Variants in DCAF6 observed in about 807,000 individuals in gnomAD.
DCAF6 encodes DDB1 and CUL4 associated factor 6.
Under a neutral mutation model 125.1 loss-of-function variants are expected in DCAF6, and 54 were observed. The ratio of observed to expected loss-of-function variants is 0.43; its 90% CI spans 0.35 to 0.54. The LOEUF (loss-of-function observed/expected upper bound fraction) is 0.54, where lower values mean the gene tolerates loss of function less well. DCAF6 is among the 20% of genes least tolerant of loss of function. The probability of loss-of-function intolerance (pLI) is 0.01; values close to 1 mark genes in which losing one functional copy is unlikely to be tolerated. For missense variants in DCAF6, 934 were observed against 1,161.7 expected, an observed-to-expected ratio of 0.80 and a Z score of 2.85; for synonymous variants, 371 against 390.4, an observed-to-expected ratio of 0.95 and a Z score of 0.58.
At chr1:167,937,156 T>G in intron 1 of DCAF6, 148 bp downstream of exon 1, 1 of 658,094 alleles carries the variant, frequency 1.5e-6, no homozygotes, top group East Asian at 2.9e-5. Context: ...GGTTGCCGAA[T>G]TCCGTGCCGG....
chr1:167,998,331 C>A (rs1392143906), intron 7 of DCAF6, among the ~76,000 whole-genome samples: 1 of 152,098 alleles, frequency 6.6e-6, no homozygotes, highest in Non-Finnish European at 1.5e-5. Flanking sequence ...AAGTTGTATT[C>A]TTTTTGCTGG....
Position 168,063,374 on chromosome 1 carries a change from A to G in DCAF6, c.2301-247A>G, listed in dbSNP as rs74781565. The stretch of plus-strand genomic sequence containing the variant: ...TTTAAAAACCAGTTTGCCGCATGCT[A>G]TTGCCTTTACTTTTCATCCAGTACC... On this transcript the variant is annotated intron_variant, in intron 17 of 21. Transcript: ENST00000367840. Among the ~76,000 whole-genome samples the G allele has an allele frequency of 5.5e-3, 838 of 152,208 alleles. 4 individuals carry two copies. The highest frequency in any genetic ancestry group is 9.8e-3 in the Non-Finnish European group (668 of 67,992).
At chr1:168,025,748 C>G (rs1350531850) in intron 12 of DCAF6, among the ~76,000 whole-genome samples, 2 of 152,144 alleles carry the variant, frequency 1.3e-5, no homozygotes, top group African/African-American at 4.8e-5. Context: ...AGGCTATAGT[C>G]TATTCTCTAC....
intron 4 of DCAF6, among the ~76,000 whole-genome samples, chr1:167,979,668 C>G (rs975854370): frequency 2.6e-5 from 4 of 152,092 alleles, no homozygotes; most frequent in Admixed American, 6.6e-5. Flanking sequence ...GGGCAGATCA[C>G]TTGAGGTTAG....
the DCAF6 span, among the ~76,000 whole-genome samples, chr1:167,918,594 C>CT: frequency 0.013 from 1,763 of 133,204 alleles, 49 homozygotes; most frequent in African/African-American, 0.043. Context: ...CTGCCAAAAA[C>CT]TTTTTTTTTT....
the DCAF6 span, chr1:167,920,461 A>C: frequency 7.3e-7 from 1 of 1,364,490 alleles, no homozygotes; most frequent in Middle Eastern, 1.8e-4. Context: ...TATTTCAAAC[A>C]CTAAGCCACT....
chr1:167,986,930 G>T (rs1397211349), intron 4 of DCAF6, among the ~76,000 whole-genome samples: 1 of 152,110 alleles, frequency 6.6e-6, no homozygotes, highest in East Asian at 1.9e-4. Flanking sequence ...GGTTTTTATG[G>T]TAGTAAAATA....
intron 13 of DCAF6, among the ~76,000 whole-genome samples, chr1:168,041,997 A>G (rs940868701): frequency 4.0e-5 from 6 of 151,748 alleles, no homozygotes; most frequent in Admixed American, 3.3e-4. Context: ...ACTGATGCAT[A>G]GCCTTCCTGA....
intron 4 of DCAF6, among the ~76,000 whole-genome samples, chr1:167,976,100 T>G (rs1368954405): frequency 1.3e-5 from 2 of 152,194 alleles, no homozygotes; most frequent in Non-Finnish European, 2.9e-5. Context: ...ATATTTGGAT[T>G]TGTTTCTATC....
intron 13 of DCAF6, among the ~76,000 whole-genome samples, chr1:168,039,258 G>A (rs902287898): frequency 6.6e-6 from 1 of 151,772 alleles, no homozygotes; most frequent in Non-Finnish European, 1.5e-5. Flanking sequence ...AGAAGTATAC[G>A]ATTTACTGTC....
At chr1:168,036,110 G>T (rs980672453) in intron 12 of DCAF6, among the ~76,000 whole-genome samples, 1 of 152,150 alleles carries the variant, frequency 6.6e-6, no homozygotes, top group African/African-American at 2.4e-5. Context: ...AGTAGATACT[G>T]TAGGAAGAAA....
chr1:168,073,131 G>A (rs929875308), intron 21 of DCAF6, among the ~76,000 whole-genome samples: 1 of 151,922 alleles, frequency 6.6e-6, no homozygotes, highest in Non-Finnish European at 1.5e-5. Context: ...AGCCAAGATC[G>A]CGCCACTGCA....
intron 3 of DCAF6, among the ~76,000 whole-genome samples, 196 bp from the exon 4 acceptor site, chr1:167,974,634 T>C (rs1170637841): frequency 2.0e-5 from 3 of 152,202 alleles, no homozygotes; most frequent in South Asian, 2.1e-4. Flanking sequence ...CTCAATCTTA[T>C]TCACATCTCA....
chr1:167,880,465 T>C, the DCAF6 span: 1 of 1,542,698 alleles, frequency 6.5e-7, no homozygotes, highest in Non-Finnish European at 9.0e-7. Context: ...CAGGGACCGC[T>C]GGGTGGGACC....
Position 168,046,633 on chromosome 1 carries a change from G to A in DCAF6, c.2258+1406G>A, listed in dbSNP as rs74898737. Among the ~76,000 whole-genome samples the A allele has an allele frequency of 7.6e-3, 1,151 of 152,220 alleles. 11 individuals are homozygous for A. The highest frequency in any genetic ancestry group is 0.026 in the African/African-American group (1,061 of 41,572). On this transcript the variant is annotated intron_variant, in intron 16 of 21. Coordinates refer to ENST00000367840, the MANE Select transcript of DCAF6 (RefSeq NM_001198956.2). ...CATTCTTAGTATATATTTTAGGCAA[G>A]TAAGACTTAGTTCTATTTCTTTCCA...
At chr1:168,023,089 C>T (rs1332922069) in intron 12 of DCAF6, 42 bp downstream of exon 12, 6 of 1,593,954 alleles carry the variant, frequency 3.8e-6, no homozygotes, top group African/African-American at 2.7e-5. Context: ...CCATCCATAG[C>T]TTTATTGCAA....
At chr1:168,024,853 C>T (rs1330708525) in intron 12 of DCAF6, among the ~76,000 whole-genome samples, 1 of 149,182 alleles carries the variant, frequency 6.7e-6, no homozygotes, top group Non-Finnish European at 1.5e-5. Context: ...AGGTGAATTT[C>T]TGATCTTAAA....
intron 9 of DCAF6, 91 bp downstream of exon 9, chr1:168,004,080 T>TG: frequency 7.0e-7 from 1 of 1,419,750 alleles, no homozygotes; most frequent in Non-Finnish European, 9.6e-7. Flanking sequence ...AATTATACCA[T>TG]GTTTTACATC....
the DCAF6 span, chr1:167,899,389 CA>C: frequency 6.2e-7 from 1 of 1,608,750 alleles, no homozygotes; most frequent in Admixed American, 1.7e-5. Flanking sequence ...TACAGGCTGG[CA>C]GAACTTTCTG....
Sources: allele counts gnomAD v4.1 joint callset (sites outside exome capture counted in the v4.1 genomes callset), GRCh38; gene constraint gnomAD v4.1.1; transcripts MANE v1.5; gene names NCBI Gene and HGNC (gene_info 2026-07-23, HGNC 2026-07-21).